The following CNTN5 variants were observed in gnomAD, a reference collection of about 807,000 sequenced individuals.
CNTN5 encodes contactin-5.
A neutral mutation model predicts 129.1 loss-of-function variants in CNTN5; 77 were observed. The observed-to-expected ratio is 0.60, with a 90% CI of 0.50 to 0.72. CNTN5 has a LOEUF of 0.72. CNTN5 is among the 30% of genes least tolerant of loss of function. The pLI is 0.00. For synonymous variants in CNTN5, 509 were observed against 465.6 expected, an observed-to-expected ratio of 1.09 and a Z score of -1.20; for missense variants, 1,478 against 1,328.8, an observed-to-expected ratio of 1.11 and a Z score of -1.75.
In CNTN5 at chr11:99,912,645, G is replaced by GTTT. The variant is rs11424813; in HGVS notation, c.578-3397_578-3395dup. On this transcript the variant is annotated intron_variant, in intron 6 of 24. Transcript: ENST00000524871. ...CATCTATTATTGTATGTTTTTCATA[G>GTTT]TTTTTTTTTTTTTTCGTAGTTCTTC... Among the ~76,000 whole-genome samples, 1,349 of 142,188 alleles carry GTTT rather than the reference G, an allele frequency of 9.5e-3. 28 individuals are homozygous for GTTT. The highest frequency in any genetic ancestry group is 0.031 in the African/African-American group (1,208 of 38,484). 93.3% of individuals were successfully genotyped at this position (142,188 alleles called of 152,430 possible). A position where few individuals can be genotyped will look rare whatever the true frequency, so the allele number is the denominator to read the frequency against.
chr11:99,275,623 G>C (rs1863392543), intron 1 of CNTN5, among the ~76,000 whole-genome samples: 1 of 151,644 alleles, frequency 6.6e-6, no homozygotes, highest in South Asian at 2.1e-4. Context: ...TTTGTGAGTA[G>C]GGTGTATATA....
At chr11:100,311,021 G>C (rs935546280) in intron 21 of CNTN5, among the ~76,000 whole-genome samples, 8 of 151,930 alleles carry the variant, frequency 5.3e-5, no homozygotes, top group African/African-American at 1.7e-4. Context: ...TTCAAACTGG[G>C]AGGGACAAGT....
intron 1 of CNTN5, among the ~76,000 whole-genome samples, chr11:99,268,175 A>G (rs1430404820): frequency 1.3e-5 from 2 of 151,998 alleles, no homozygotes; most frequent in African/African-American, 2.4e-5. Flanking sequence ...AAAATATAAA[A>G]CATATAATGT....
At chr11:99,792,473 G>T (rs1259366890) in intron 3 of CNTN5, among the ~76,000 whole-genome samples, 4 of 150,830 alleles carry the variant, frequency 2.7e-5, no homozygotes, top group Non-Finnish European at 5.9e-5. Flanking sequence ...ATATGGATAT[G>T]GTTTGCTAGT....
At chr11:99,585,724 G>A (rs1445400763) in intron 3 of CNTN5, among the ~76,000 whole-genome samples, 1 of 152,052 alleles carries the variant, frequency 6.6e-6, no homozygotes, top group Non-Finnish European at 1.5e-5. Flanking sequence ...AAGTTAAATG[G>A]GATCGTAGAC....
At chr11:99,100,667 T>C (rs1227375278) in intron 1 of CNTN5, among the ~76,000 whole-genome samples, 1 of 152,084 alleles carries the variant, frequency 6.6e-6, no homozygotes, top group Admixed American at 6.6e-5. Context: ...GAGCAGGAAA[T>C]ATAAAATATG....
intron 8 of CNTN5, among the ~76,000 whole-genome samples, chr11:99,985,988 A>G (rs554839186): frequency 1.3e-5 from 2 of 152,266 alleles, no homozygotes; most frequent in African/African-American, 4.8e-5. Flanking sequence ...TACCTTCATC[A>G]CAATCTCAAT....
chr11:99,071,635 C>T (rs1374030228), intron 1 of CNTN5, among the ~76,000 whole-genome samples: 2 of 152,018 alleles, frequency 1.3e-5, no homozygotes, highest in South Asian at 4.1e-4. Flanking sequence ...AAGCCATGTA[C>T]TTCATATATA....
intron 3 of CNTN5, among the ~76,000 whole-genome samples, chr11:99,743,123 G>A (rs1943937494): frequency 6.6e-6 from 1 of 152,168 alleles, no homozygotes; most frequent in Non-Finnish European, 1.5e-5. Flanking sequence ...TGATAAGGAA[G>A]GAGGAGGAGA....
chr11:99,844,007 G>A (rs567688387), intron 4 of CNTN5, among the ~76,000 whole-genome samples: 136 of 152,124 alleles, frequency 8.9e-4, no homozygotes, highest in Non-Finnish European at 1.5e-3. Context: ...CAGCTGACTT[G>A]GTCTAAAACT....
Position 99,647,730 on chromosome 11 carries a change from T to C in CNTN5, c.55+91461T>C, listed in dbSNP as rs114288840. On this transcript the variant is annotated intron_variant, in intron 3 of 24. Coordinates refer to ENST00000524871, the MANE Select transcript of CNTN5 (RefSeq NM_014361.4). Reference sequence around the variant, plus strand: ...GATTTCTTTCATCAGTTTGTTATACTATTTTTTTTTTGGAGGGACCTTTTA... The same window carrying C: ...GATTTCTTTCATCAGTTTGTTATACCATTTTTTTTTTGGAGGGACCTTTTA... Among the ~76,000 whole-genome samples the C allele has an allele frequency of 3.5e-3, 527 of 151,972 alleles. 6 individuals are homozygous for C. Among genetic ancestry groups the C allele is most frequent in the African/African-American group, 0.012 (509 of 41,500 alleles).
intron 3 of CNTN5, among the ~76,000 whole-genome samples, chr11:99,593,242 A>C (rs694717): frequency 0.97 from 148,013 of 152,210 alleles, 72,098 homozygotes; most frequent in East Asian, 1. Flanking sequence ...TTTTGATCTT[A>C]TCTTGTAATA....
chr11:99,572,780 T>C (rs1172129343), intron 3 of CNTN5, among the ~76,000 whole-genome samples: 1 of 152,146 alleles, frequency 6.6e-6, no homozygotes, highest in East Asian at 1.9e-4. Flanking sequence ...AAAAATAGAT[T>C]ATCAAATGAG....
intron 2 of CNTN5, among the ~76,000 whole-genome samples, chr11:99,339,114 C>T (rs1866394496): frequency 1.3e-5 from 2 of 151,282 alleles, no homozygotes; most frequent in East Asian, 3.9e-4. Context: ...TTTCACATTG[C>T]ATGCCTATAT....
At chr11:100,337,822 G>C (rs920568049) in intron 21 of CNTN5, among the ~76,000 whole-genome samples, 4 of 152,132 alleles carry the variant, frequency 2.6e-5, no homozygotes, top group African/African-American at 9.7e-5. Context: ...CAATTGACAG[G>C]GATACAATCC....
intron 16 of CNTN5, among the ~76,000 whole-genome samples, chr11:100,246,203 G>A (rs569956257): frequency 1.3e-5 from 2 of 152,202 alleles, no homozygotes; most frequent in East Asian, 3.9e-4. Context: ...TGCTAAAATA[G>A]TATTTGTCAT....
chr11:99,227,948 A>G (rs75396100), intron 1 of CNTN5, among the ~76,000 whole-genome samples: 2,475 of 152,296 alleles, frequency 0.016, 78 homozygotes, highest in African/African-American at 0.057. Context: ...CAGTATACAA[A>G]GTGGATATTT....
chr11:99,157,434 A>G (rs1427383390), intron 1 of CNTN5, among the ~76,000 whole-genome samples: 1 of 152,086 alleles, frequency 6.6e-6, no homozygotes, highest in Non-Finnish European at 1.5e-5. Context: ...AGTGTAAATC[A>G]CTGCATTTAA....
intron 3 of CNTN5, among the ~76,000 whole-genome samples, chr11:99,765,206 AG>A (rs1181910035): frequency 6.6e-6 from 1 of 152,030 alleles, no homozygotes; most frequent in Non-Finnish European, 1.5e-5. Flanking sequence ...CAGTTGTTTA[AG>A]TGGGATATAA....
Sources: allele counts gnomAD v4.1 joint callset (sites outside exome capture counted in the v4.1 genomes callset), GRCh38; gene constraint gnomAD v4.1.1; transcripts MANE v1.5; gene names NCBI Gene and HGNC (gene_info 2026-07-23, HGNC 2026-07-21).